CAND1: variants seen among roughly 807,000 people sequenced by gnomAD.
CAND1 encodes cullin-associated NEDD8-dissociated protein 1.
A neutral mutation model predicts 108.5 loss-of-function variants in CAND1; 7 were observed. The observed-to-expected ratio is 0.06, with a 90% CI of 0.04 to 0.12. The LOEUF is 0.12. Ranked by LOEUF, CAND1 falls within the 10% of genes least tolerant of loss-of-function variation. The probability of loss-of-function intolerance (pLI) is 1.00; values close to 1 mark genes in which losing one functional copy is unlikely to be tolerated. For synonymous variants in CAND1, 534 were observed against 512.0 expected (o/e 1.04, Z -0.58); for missense variants, 941 against 1,448.7 (o/e 0.65, Z 5.69).
rs1403010699 is a variant in CAND1, at chr12:67,315,224, G to A, written c.*2394G>A. 6.6e-6 allele frequency: 1 copy of A among 152,406 alleles called. No individual in the cohort carries two copies. Among genetic ancestry groups the A allele is most frequent in the East Asian group, 1.9e-4 (1 of 5,200 alleles). The allele number at this position is 152,406 out of a possible 1,614,324, so 9.4% of individuals were successfully genotyped here. A position where few individuals can be genotyped will look rare whatever the true frequency, so the allele number is the denominator to read the frequency against. Reference sequence around the variant, plus strand: ...AATCCCAGCACTTTGGGAGGCCGAGGCGGGCGGATCACGAGGTCAGGAGAT... The same window carrying A: ...AATCCCAGCACTTTGGGAGGCCGAGACGGGCGGATCACGAGGTCAGGAGAT... On this transcript the variant is annotated 3_prime_UTR_variant, in exon 15 of 15. Transcript: ENST00000545606.
intron 1 of CAND1, among the ~76,000 whole-genome samples, chr12:67,276,537 A>G (rs977610593): frequency 6.6e-6 from 1 of 152,174 alleles, no homozygotes; most frequent in African/African-American, 2.4e-5. Context: ...AGTGAGGTCA[A>G]TTCTATGATT....
intron 7 of CAND1, 28 bp downstream of exon 7, chr12:67,299,123 A>G: frequency 6.7e-7 from 1 of 1,495,640 alleles, no homozygotes; most frequent in Non-Finnish European, 8.9e-7. Context: ...GAATCTTTTG[A>G]GTTTTTGTGA....
In CAND1 at chr12:67,305,624, T is replaced by A. The variant is rs775124157; in HGVS notation, c.1956T>A (p.Val652=). The A allele has an allele frequency of 5.0e-6, 8 of 1,614,142 alleles. No homozygotes were observed. The South Asian group carries it at 8.8e-5, about 18-fold the overall frequency. The change falls in exon 10 of 15, where the codon GTT becomes GTA. Residue 652 remains valine (V), a synonymous_variant. Transcript: ENST00000545606. This position sits in a 1 kb window ranked among gnomAD's most constrained non-coding sequence, Gnocchi z 4.4. ...TGAGGCCTGTTCTGGGAGAAGGGGT[T>A]CCTATCCTTGCTTCATTTCTTAGAA... The part of the protein sequence containing the change: ...IDLRPVLGEG[V]PILASFLRKN...
chr12:67,274,261 G>A (rs1174454422), intron 1 of CAND1, among the ~76,000 whole-genome samples: 1 of 152,180 alleles, frequency 6.6e-6, no homozygotes, highest in Non-Finnish European at 1.5e-5. Context: ...GAATAGTTAA[G>A]ACACTATTGT....
chr12:67,303,543 T>G (rs779606278), intron 8 of CAND1, among the ~76,000 whole-genome samples: 2 of 152,076 alleles, frequency 1.3e-5, no homozygotes, highest in Non-Finnish European at 2.9e-5. Context: ...AAGTCAGACA[T>G]TTTTTTTGTT....
chr12:67,277,441 A>G (rs570813880), intron 1 of CAND1, among the ~76,000 whole-genome samples: 3 of 152,272 alleles, frequency 2.0e-5, no homozygotes, highest in East Asian at 3.9e-4. Flanking sequence ...TGTTTTTTTC[A>G]GAAGGCACAT....
At chr12:67,286,345 G>C (rs2044671514) in intron 2 of CAND1, among the ~76,000 whole-genome samples, 2 of 152,202 alleles carry the variant, frequency 1.3e-5, no homozygotes, top group South Asian at 4.1e-4. Context: ...GAGTGAAACT[G>C]CTCTTGTTCA....
In CAND1 at chr12:67,269,454, C is replaced by A. The variant is rs764881106; in HGVS notation, c.-264C>A. On this transcript the variant is annotated 5_prime_UTR_variant, in exon 1 of 15. Transcript: ENST00000545606. ...GTAGAGGCCCTTCTGTACGCCCCGC[C>A]GCCCATGAGCTCGTTCTCACGCGAA... is the stretch of plus-strand genomic sequence containing the variant. 22 of 488,280 alleles carry A rather than the reference C, an allele frequency of 4.5e-5. No homozygotes were observed. The highest frequency in any genetic ancestry group is 7.5e-5 in the Non-Finnish European group (21 of 279,966). 30.2% of individuals were successfully genotyped at this position (488,280 alleles called of 1,614,324 possible). A position where few individuals can be genotyped will look rare whatever the true frequency, so the allele number is the denominator to read the frequency against.
At chr12:67,278,040 A>G (rs1174906891) in intron 1 of CAND1, among the ~76,000 whole-genome samples, 1 of 152,198 alleles carries the variant, frequency 6.6e-6, no homozygotes, top group East Asian at 1.9e-4. Flanking sequence ...CTCTCTTAGA[A>G]TAAAGGCTAA....
chr12:67,312,498 A>G (rs920880646), intron 14 of CAND1, 108 bp from the exon 15 acceptor site: 5 of 617,624 alleles, frequency 8.1e-6, no homozygotes, highest in Non-Finnish European at 1.4e-5. Flanking sequence ...AATATGCCTT[A>G]TGGACCTACG....
chr12:67,317,860 C>G lies in CAND1; in HGVS notation c.*5030C>G, dbSNP rs73320788. ...ATATCCAACCACCTGCTATACATCT[C>G]ATAAAGGTATCTCAAACACAGCATA... is the stretch of plus-strand genomic sequence containing the variant. On this transcript the variant is annotated 3_prime_UTR_variant, in exon 15 of 15. Transcript: ENST00000545606. The G allele has an allele frequency of 6.6e-6, 1 of 152,224 alleles. No homozygotes were observed. Among genetic ancestry groups the G allele is most frequent in the South Asian group, 2.1e-4 (1 of 4,834 alleles). 9.4% of individuals were successfully genotyped at this position (152,224 alleles called of 1,614,324 possible).
At chr12:67,280,878 AG>A (rs1489160494) in intron 1 of CAND1, among the ~76,000 whole-genome samples, 2 of 151,994 alleles carry the variant, frequency 1.3e-5, no homozygotes, top group Non-Finnish European at 2.9e-5. Context: ...GTGGTTCTTA[AG>A]GGGAGGGGAG....
intron 6 of CAND1, 91 bp downstream of exon 6, chr12:67,297,944 C>G (rs1376821746): frequency 3.2e-6 from 2 of 630,300 alleles, no homozygotes; most frequent in Non-Finnish European, 5.4e-6. Context: ...GAGAAGCGGC[C>G]TTTTGGATTT....
chr12:67,306,730 CTG>C (rs1592623968), intron 10 of CAND1, 133 bp downstream of exon 10: 5 of 667,396 alleles, frequency 7.5e-6, no homozygotes, highest in East Asian at 2.7e-5. Flanking sequence ...TGAAGAAAAA[CTG>C]TCTTTCGTAG....
At chr12:67,270,467 G>C (rs1181815829) in intron 1 of CAND1, 1 of 152,168 alleles carries the variant, frequency 6.6e-6, no homozygotes, top group Non-Finnish European at 1.5e-5. Flanking sequence ...AGGAACTCGG[G>C]GTTTCAGTCT....
At chr12:67,290,029 C>T (rs772994219) in intron 2 of CAND1, among the ~76,000 whole-genome samples, 31 of 152,070 alleles carry the variant, frequency 2.0e-4, no homozygotes, top group Non-Finnish European at 4.4e-4. Flanking sequence ...ATTGACCAGA[C>T]ATTAAGAGTT....
At chr12:67,288,124 T>G (rs73320730) in intron 2 of CAND1, among the ~76,000 whole-genome samples, 13,235 of 151,392 alleles carry the variant, frequency 0.087, 1,278 homozygotes, top group African/African-American at 0.24. Flanking sequence ...TTCAGATTTA[T>G]ATCTTTTCTG....
intron 14 of CAND1, among the ~76,000 whole-genome samples, chr12:67,312,118 G>T (rs2044956907): frequency 6.6e-6 from 1 of 151,796 alleles, no homozygotes; most frequent in Non-Finnish European, 1.5e-5. Context: ...GGAGTCAGAA[G>T]GTTTCATATT....
In CAND1 at chr12:67,305,805, A is replaced by C; in HGVS notation, c.2137A>C (p.Ile713Leu). ...ESDMHVSQMAISFLTTLAKVY... is the reference protein window; with the variant it reads ...ESDMHVSQMALSFLTTLAKVY... ...TGATATGCATGTTTCACAAATGGCC[A>C]TCAGTTTTCTTACCACTTTGGCAAA... The change falls in exon 10 of 15, where the codon ATC becomes CTC. Residue 713 changes from isoleucine to leucine, a missense_variant. Coordinates refer to ENST00000545606, the MANE Select transcript of CAND1 (RefSeq NM_018448.5). This position sits in a 1 kb window ranked among gnomAD's most constrained non-coding sequence, Gnocchi z 4.4. 1 of 1,614,188 alleles carries C rather than the reference A, an allele frequency of 6.2e-7. No homozygotes were observed.
Sources: allele counts gnomAD v4.1 joint callset (sites outside exome capture counted in the v4.1 genomes callset), GRCh38; gene constraint gnomAD v4.1.1; non-coding constraint Gnocchi (gnomAD v3.1); transcripts MANE v1.5; gene names NCBI Gene and HGNC (gene_info 2026-07-23, HGNC 2026-07-21).